The following ASCC3 variants were observed in gnomAD, a reference collection of about 807,000 sequenced individuals.
ASCC3 encodes the protein ASC-1 complex subunit P200.
In ASCC3, 158 loss-of-function variants were observed where a neutral mutation model predicts 256.3. That is an observed-to-expected ratio of 0.62 (90% confidence interval 0.54 to 0.70). The LOEUF (loss-of-function observed/expected upper bound fraction) is 0.70, where lower values mean the gene tolerates loss of function less well. ASCC3 is among the 30% of genes least tolerant of loss of function. The pLI is 0.00. For synonymous variants in ASCC3, 948 were observed against 883.4 expected, an observed-to-expected ratio of 1.07 and a Z score of -1.30; for missense variants, 2,259 against 2,626.0, an observed-to-expected ratio of 0.86 and a Z score of 3.05.
At chr6:100,743,646 A>G (rs1380077658) in intron 10 of ASCC3, among the ~76,000 whole-genome samples, 1 of 152,206 alleles carries the variant, frequency 6.6e-6, no homozygotes, top group Non-Finnish European at 1.5e-5. Context: ...ATTTATTAAC[A>G]TTCTTAAATC....
At chr6:100,783,849 C>T (rs1562294380) in intron 8 of ASCC3, among the ~76,000 whole-genome samples, 2 of 151,534 alleles carry the variant, frequency 1.3e-5, no homozygotes, top group Admixed American at 1.3e-4. Context: ...TTACTGAGCA[C>T]GTACTACATA....
chr6:100,874,424 C>CCATTGCA (rs1186804791), intron 1 of ASCC3, among the ~76,000 whole-genome samples: 1 of 125,590 alleles, frequency 8.0e-6, no homozygotes. Flanking sequence ...AGAGATCGCA[C>CCATTGCA]CATTGCATTC....
chr6:100,786,205 C>G (rs1417201715), intron 8 of ASCC3, among the ~76,000 whole-genome samples: 1 of 152,162 alleles, frequency 6.6e-6, no homozygotes, highest in Non-Finnish European at 1.5e-5. Context: ...AACAATAACT[C>G]AACATGTCAG....
chr6:100,754,779 T>A (rs1176931217), intron 10 of ASCC3, among the ~76,000 whole-genome samples: 1 of 152,150 alleles, frequency 6.6e-6, no homozygotes, highest in Admixed American at 6.6e-5. Context: ...ATGTATTGTG[T>A]GAGGGACCCA....
At chr6:100,534,789 T>C in intron 37 of ASCC3, among the ~76,000 whole-genome samples, 1 of 152,192 alleles carries the variant, frequency 6.6e-6, no homozygotes, top group East Asian at 1.9e-4. Flanking sequence ...GGCTGTATTG[T>C]AGACTCTGAC....
chr6:100,879,719 T>C (rs1769192306), intron 1 of ASCC3, among the ~76,000 whole-genome samples: 1 of 152,180 alleles, frequency 6.6e-6, no homozygotes, highest in Non-Finnish European at 1.5e-5. Flanking sequence ...ACTTTATATT[T>C]AAACAAGCTT....
At chr6:100,583,545 A>G (rs1360593352) in intron 36 of ASCC3, among the ~76,000 whole-genome samples, 1 of 151,968 alleles carries the variant, frequency 6.6e-6, no homozygotes, top group Middle Eastern at 3.2e-3. Context: ...CCAGCTCCTG[A>G]ATTCATTAAT....
At chr6:100,664,540 C>A (rs1776378323) in intron 14 of ASCC3, among the ~76,000 whole-genome samples, 1 of 151,964 alleles carries the variant, frequency 6.6e-6, no homozygotes, top group African/African-American at 2.4e-5. Context: ...ATAAACATAA[C>A]AAAAGAGGAG....
chr6:100,664,401 T>C (rs1344425197), intron 14 of ASCC3, among the ~76,000 whole-genome samples: 1 of 152,058 alleles, frequency 6.6e-6, no homozygotes, highest in Non-Finnish European at 1.5e-5. Flanking sequence ...AAAATAGTAT[T>C]CCATGAAATC....
At chr6:100,692,448 T>C (rs960031672) in intron 13 of ASCC3, among the ~76,000 whole-genome samples, 6 of 152,064 alleles carry the variant, frequency 3.9e-5, no homozygotes, top group African/African-American at 1.2e-4. Flanking sequence ...TTCAAAAATA[T>C]ATGAGCTTGA....
Position 100,629,105 on chromosome 6 carries a change from C to G in ASCC3, c.4285G>C (p.Glu1429Gln). Reference protein sequence around the residue: ...AKADLIVTTPEKWDGVSRSWQ... With the variant: ...AKADLIVTTPQKWDGVSRSWQ... ...CTTCTGCTGACTCCATCCCACTTCTCTGGCGTAGTGACGATAAGGTCAGCC... is the reference window on the plus strand; with the variant it reads ...CTTCTGCTGACTCCATCCCACTTCTGTGGCGTAGTGACGATAAGGTCAGCC... The change falls in exon 27 of 42, where the codon GAG becomes CAG. Residue 1429 changes from glutamate (E) to glutamine (Q), a missense_variant. Physicochemically the swap from Glu to Gln is conservative, Grantham distance 29. Transcript: ENST00000369162. 1 of 1,613,852 alleles carries G rather than the reference C, an allele frequency of 6.2e-7. No homozygotes were observed. The highest frequency in any genetic ancestry group is 8.5e-7 in the Non-Finnish European group (1 of 1,179,908).
chr6:100,627,717 T>A lies in ASCC3; in HGVS notation c.4522-7A>T. ...GGAAGTTAAACAAGCCCATCTAGAGTAAATATGAGAGAGAAACCATTTTCA... is the reference window on the plus strand; with the variant it reads ...GGAAGTTAAACAAGCCCATCTAGAGAAAATATGAGAGAGAAACCATTTTCA... On this transcript the variant is annotated splice_polypyrimidine_tract_variant and splice_region_variant and intron_variant, in intron 28 of 41. Transcript: ENST00000369162. 1 of 1,613,254 alleles carries A rather than the reference T, an allele frequency of 6.2e-7. No homozygotes were observed. The highest frequency in any genetic ancestry group is 8.5e-7 in the Non-Finnish European group (1 of 1,179,618).
At chr6:100,834,298 A>G (rs966623839) in intron 4 of ASCC3, among the ~76,000 whole-genome samples, 17 of 152,210 alleles carry the variant, frequency 1.1e-4, no homozygotes, top group African/African-American at 3.1e-4. Flanking sequence ...ATGTTAGCAC[A>G]ATTACTATTG....
intron 13 of ASCC3, among the ~76,000 whole-genome samples, chr6:100,688,134 T>C (rs947047686): frequency 1.3e-5 from 2 of 151,938 alleles, no homozygotes; most frequent in Admixed American, 6.6e-5. Flanking sequence ...GGAATACATA[T>C]CACATGGTCA....
At chr6:100,733,491 C>T (rs140725953) in intron 10 of ASCC3, among the ~76,000 whole-genome samples, 2 of 152,270 alleles carry the variant, frequency 1.3e-5, no homozygotes, top group East Asian at 3.9e-4. Context: ...CCTGCACTGG[C>T]TCCCCTTTTG....
chr6:100,732,907 CTCCATTTCCCT>C (rs772217954), intron 10 of ASCC3, among the ~76,000 whole-genome samples: 10 of 152,136 alleles, frequency 6.6e-5, no homozygotes, highest in Non-Finnish European at 1.3e-4. Flanking sequence ...TTATTTCCCC[CTCCATTTCCCT>C]TCCATTTCCT....
intron 13 of ASCC3, among the ~76,000 whole-genome samples, chr6:100,708,667 C>T (rs1007511670): frequency 5.9e-5 from 9 of 152,200 alleles, no homozygotes; most frequent in African/African-American, 2.2e-4. Flanking sequence ...ACACAGGACA[C>T]ACCCTCCATC....
intron 29 of ASCC3, among the ~76,000 whole-genome samples, chr6:100,627,278 G>C (rs1198281797): frequency 6.6e-6 from 1 of 151,954 alleles, no homozygotes; most frequent in Non-Finnish European, 1.5e-5. Context: ...TTGACCTGTA[G>C]CTTCCATTTC....
rs1311691741 is a variant in ASCC3 at position 100,608,146 on chromosome 6, C to CATATATATGTATATATA, written c.4786-1059_4786-1058insTATATATACATATATAT. On this transcript the variant is annotated intron_variant, in intron 30 of 41. Transcript: ENST00000369162. Reference sequence around the variant, plus strand: ...TATATACATATATATGTATATATATCTATATATACATATTTATATACATAT... The same window carrying CATATATATGTATATATA: ...TATATACATATATATGTATATATATCATATATATGTATATATATATATATACATATTTATATACATAT... 4.6e-3 allele frequency among the ~76,000 whole-genome samples: 191 copies of CATATATATGTATATATA among 41,078 alleles called. 4 individuals carry two copies. Among genetic ancestry groups the CATATATATGTATATATA allele is most frequent in the East Asian group, 0.028 (19 of 688 alleles). The allele number at this position is 41,078 out of a possible 152,430, so 26.9% of individuals were successfully genotyped here.
Sources: gnomAD v4.1 joint callset for allele counts (sites outside exome capture counted in the v4.1 genomes callset) on GRCh38, gnomAD v4.1.1 for gene constraint, MANE v1.5 for transcripts, NCBI Gene and HGNC (gene_info 2026-07-23, HGNC 2026-07-21) for gene names.